CFAP20DC: variants seen among roughly 807,000 people sequenced by gnomAD.
The protein encoded by CFAP20DC is CFAP20 domain containing.
In CFAP20DC, 84 loss-of-function variants were observed where a neutral mutation model predicts 101.7. The ratio of observed to expected loss-of-function variants is 0.83; its 90% CI spans 0.69 to 0.99. The LOEUF (loss-of-function observed/expected upper bound fraction) is 0.99, where lower values mean the gene tolerates loss of function less well. CFAP20DC is among the 50% of genes least tolerant of loss of function. CFAP20DC has a pLI of 0.00. For missense variants in CFAP20DC, 1,007 were observed against 970.3 expected, an observed-to-expected ratio of 1.04 and a Z score of -0.50; for synonymous variants, 359 against 351.2, an observed-to-expected ratio of 1.02 and a Z score of -0.25.
chr3:59,025,865 C>T (rs2093883352), intron 4 of CFAP20DC, among the ~76,000 whole-genome samples: 1 of 151,800 alleles, frequency 6.6e-6, no homozygotes, highest in Non-Finnish European at 1.5e-5. Flanking sequence ...TAGCTTTGAA[C>T]ATGCATCTAG....
intron 14 of CFAP20DC, among the ~76,000 whole-genome samples, chr3:58,806,717 C>T (rs2074093297): frequency 6.6e-6 from 1 of 152,134 alleles, no homozygotes; most frequent in South Asian, 2.1e-4. Context: ...ATAGTGGGTG[C>T]AGGACAGTGG....
intron 5 of CFAP20DC, among the ~76,000 whole-genome samples, chr3:58,933,029 C>G (rs2086944262): frequency 6.6e-6 from 1 of 152,108 alleles, no homozygotes; most frequent in Non-Finnish European, 1.5e-5. Flanking sequence ...GGAAACCCAT[C>G]TCACGTGCAG....
chr3:58,981,540 A>G (rs921726286), intron 4 of CFAP20DC, among the ~76,000 whole-genome samples: 2 of 152,250 alleles, frequency 1.3e-5, no homozygotes, highest in African/African-American at 4.8e-5. Flanking sequence ...CAGAGCCCTC[A>G]GAAATGATGC....
intron 15 of CFAP20DC, among the ~76,000 whole-genome samples, chr3:58,755,948 A>T (rs1260667416): frequency 1.3e-5 from 2 of 152,220 alleles, no homozygotes; most frequent in Non-Finnish European, 2.9e-5. Flanking sequence ...AAAAATTAAA[A>T]TAATGTTTCA....
At chr3:59,021,815 CAGAG>C (rs748644551) in intron 4 of CFAP20DC, among the ~76,000 whole-genome samples, 1 of 151,112 alleles carries the variant, frequency 6.6e-6, no homozygotes, top group African/African-American at 2.4e-5. Context: ...AAGAGAGAGA[CAGAG>C]AGAGAGAGAG....
At chr3:58,847,559 A>C (rs2077783264) in intron 13 of CFAP20DC, among the ~76,000 whole-genome samples, 1 of 152,078 alleles carries the variant, frequency 6.6e-6, no homozygotes, top group Admixed American at 6.5e-5. Context: ...ACACTTTTAC[A>C]CTGTTGCTGG....
intron 3 of CFAP20DC, chr3:58,725,867 T>G (rs540821403): frequency 8.5e-5 from 16 of 187,310 alleles, no homozygotes; most frequent in Middle Eastern, 2.4e-3. Context: ...TTTATTTTTT[T>G]GGGGCTGAGC....
At chr3:58,850,865 G>T (rs988034979) in intron 12 of CFAP20DC, among the ~76,000 whole-genome samples, 4 of 152,046 alleles carry the variant, frequency 2.6e-5, no homozygotes, top group African/African-American at 9.7e-5. Flanking sequence ...GTGACTGATT[G>T]AACTGTTCAA....
intron 6 of CFAP20DC, among the ~76,000 whole-genome samples, chr3:58,907,396 TA>T (rs2083709954): frequency 6.6e-6 from 1 of 152,164 alleles, no homozygotes; most frequent in Admixed American, 6.5e-5. Context: ...CTATTACATG[TA>T]AGGTTTCTTG....
chr3:58,836,763 T>TA (rs918622194), intron 13 of CFAP20DC, among the ~76,000 whole-genome samples: 39 of 150,446 alleles, frequency 2.6e-4, no homozygotes, highest in East Asian at 1.4e-3. Flanking sequence ...CCTCTGTATT[T>TA]AAAAAAAAAA....
At chr3:58,966,457 T>C (rs902594496) in intron 4 of CFAP20DC, among the ~76,000 whole-genome samples, 2 of 150,594 alleles carry the variant, frequency 1.3e-5, no homozygotes, top group Admixed American at 1.3e-4. Flanking sequence ...CAAAATATCA[T>C]TGAAATATAC....
At chr3:58,925,365 G>A (rs984296870) in intron 5 of CFAP20DC, among the ~76,000 whole-genome samples, 2 of 152,096 alleles carry the variant, frequency 1.3e-5, no homozygotes, top group Non-Finnish European at 1.5e-5. Context: ...GACTAGTTTG[G>A]TGTTTACCAT....
chr3:58,802,168 C>G (rs573358380), intron 15 of CFAP20DC, among the ~76,000 whole-genome samples: 4 of 152,000 alleles, frequency 2.6e-5, no homozygotes, highest in African/African-American at 9.7e-5. Context: ...GCAGGAATAT[C>G]TTACGTTTTT....
rs999854053 is a variant in CFAP20DC at position 59,006,870 on chromosome 3, CT to C, written c.278+32686del. On this transcript the variant is annotated intron_variant, in intron 4 of 16. Coordinates refer to ENST00000482387, the MANE Select transcript of CFAP20DC (RefSeq NM_001394063.1). The surrounding 1 kb of genome is among the most constrained non-coding windows in gnomAD (Gnocchi z 4.3). ...GTTACAGATGCAAACACAGGAGCTG[CT>C]GACATTGTAGGCAGACTGGGAGGCA... Among the ~76,000 whole-genome samples the C allele has an allele frequency of 3.9e-5, 6 of 152,302 alleles. No individual in the cohort carries two copies. Among genetic ancestry groups the C allele is most frequent in the African/African-American group, 1.4e-4 (6 of 41,570 alleles).
intron 4 of CFAP20DC, among the ~76,000 whole-genome samples, chr3:58,956,105 T>C (rs1694506842): frequency 6.6e-6 from 1 of 151,228 alleles, no homozygotes; most frequent in Non-Finnish European, 1.5e-5. Context: ...ATATTCCCAG[T>C]TGTAGTGGCT....
At chr3:58,745,343 G>A (rs1455208840) in intron 16 of CFAP20DC, among the ~76,000 whole-genome samples, 1 of 152,144 alleles carries the variant, frequency 6.6e-6, no homozygotes, top group African/African-American at 2.4e-5. Context: ...GCATAGTCTA[G>A]TTGTGAATGT....
chr3:58,759,437 C>T (rs1010633517), intron 15 of CFAP20DC, among the ~76,000 whole-genome samples: 1 of 152,042 alleles, frequency 6.6e-6, no homozygotes, highest in African/African-American at 2.4e-5. Context: ...GATATTAGCC[C>T]TTTGTCAGAT....
intron 4 of CFAP20DC, among the ~76,000 whole-genome samples, chr3:58,974,621 T>C (rs1477722768): frequency 6.6e-6 from 1 of 152,126 alleles, no homozygotes; most frequent in African/African-American, 2.4e-5. Flanking sequence ...GATTCATTCC[T>C]TATCTATGAT....
At chr3:58,841,342 A>C (rs1367708643) in intron 13 of CFAP20DC, among the ~76,000 whole-genome samples, 1 of 152,248 alleles carries the variant, frequency 6.6e-6, no homozygotes, top group African/African-American at 2.4e-5. Context: ...AGAGAGAGAG[A>C]TGGCTTGAAC....
Sources: gnomAD v4.1 joint callset for allele counts (sites outside exome capture counted in the v4.1 genomes callset) on GRCh38, gnomAD v4.1.1 for gene constraint, Gnocchi (gnomAD v3.1) non-coding constraint, MANE v1.5 for transcripts, NCBI Gene and HGNC (gene_info 2026-07-23, HGNC 2026-07-21) for gene names.